Variants in CNBD1 observed in about 807,000 individuals in gnomAD.
CNBD1 encodes cyclic nucleotide-binding domain-containing protein 1.
Under a neutral mutation model 54.4 loss-of-function variants are expected in CNBD1, and 71 were observed. The observed-to-expected ratio is 1.30, with a 90% CI of 1.08 to 1.59. The LOEUF (loss-of-function observed/expected upper bound fraction) is 1.59, where lower values mean the gene tolerates loss of function less well. Among genes scored for constraint, CNBD1 ranks in the 40% most tolerant of loss-of-function variants. The pLI, the probability that CNBD1 is intolerant of heterozygous loss-of-function variation, is 0.00. For missense variants in CNBD1, 659 were observed against 518.0 expected, an observed-to-expected ratio of 1.27 and a Z score of -2.64; for synonymous variants, 182 against 170.7, an observed-to-expected ratio of 1.07 and a Z score of -0.51.
At chr8:86,921,587 G>C (rs1809276305) in intron 3 of CNBD1, among the ~76,000 whole-genome samples, 1 of 152,118 alleles carries the variant, frequency 6.6e-6, no homozygotes, top group Non-Finnish European at 1.5e-5. Context: ...ATCTTACATT[G>C]TGGGAGGCAA....
At chr8:87,332,443 A>G (rs1809855796) in intron 8 of CNBD1, among the ~76,000 whole-genome samples, 1 of 152,044 alleles carries the variant, frequency 6.6e-6, no homozygotes, top group Non-Finnish European at 1.5e-5. Flanking sequence ...TTTCATAATA[A>G]AAGATTTACC....
At chr8:86,979,139 T>C (rs1808409903) in intron 4 of CNBD1, among the ~76,000 whole-genome samples, 1 of 151,786 alleles carries the variant, frequency 6.6e-6, no homozygotes, top group Non-Finnish European at 1.5e-5. Flanking sequence ...TTTCAAAAAG[T>C]TTATATTTTC....
intron 4 of CNBD1, among the ~76,000 whole-genome samples, chr8:87,205,470 C>G (rs948675205): frequency 2.6e-5 from 4 of 152,004 alleles, no homozygotes; most frequent in African/African-American, 9.6e-5. Flanking sequence ...TAATAAATAC[C>G]ATGTATTATA....
At chr8:87,418,200 C>A (rs1386621016) in intron 2 of CNBD1, among the ~76,000 whole-genome samples, 1 of 151,808 alleles carries the variant, frequency 6.6e-6, no homozygotes, top group Non-Finnish European at 1.5e-5. Flanking sequence ...GACATATGGG[C>A]TAATAGAATA....
chr8:87,409,115 A>C lies in CNBD1; in HGVS notation c.214-19431A>C, dbSNP rs183337989. 5.1e-3 allele frequency among the ~76,000 whole-genome samples: 779 copies of C among 152,324 alleles called. 2 individuals are homozygous for C. The highest frequency in any genetic ancestry group is 7.7e-3 in the Non-Finnish European group (522 of 68,024). On this transcript the variant is annotated intron_variant, in intron 2 of 7. Transcript: ENST00000521593. ...GAGGAAGGCATGTCGAAAGCTGAGA[A>C]AGGCTGAAAGCTTTTAGCTAAATAG...
At chr8:86,912,294 A>G (rs13262224) in intron 3 of CNBD1, among the ~76,000 whole-genome samples, 143,978 of 152,264 alleles carry the variant, frequency 0.95, 68,172 homozygotes, top group East Asian at 1. Flanking sequence ...CATTTTTCTA[A>G]AGGGTGCAGA....
At chr8:87,041,444 GA>G (rs1309983315) in intron 4 of CNBD1, among the ~76,000 whole-genome samples, 1 of 152,014 alleles carries the variant, frequency 6.6e-6, no homozygotes, top group Non-Finnish European at 1.5e-5. Context: ...TGAGGGAGGA[GA>G]AAAATGTTCT....
Position 87,134,594 on chromosome 8 carries a change from C to CTTTTT in CNBD1, c.432-71377_432-71373dup, listed in dbSNP as rs1167232265. Reference sequence around the variant, plus strand: ...GATTCACCTTTGTTAATTAGATTACCTTTTTTTTTTTTTTTTTTTTTTTTT... The same window carrying CTTTTT: ...GATTCACCTTTGTTAATTAGATTACCTTTTTTTTTTTTTTTTTTTTTTTTTTTTTT... On this transcript the variant is annotated intron_variant, in intron 4 of 10. Coordinates refer to ENST00000518476, the MANE Select transcript of CNBD1 (RefSeq NM_173538.3). Among the ~76,000 whole-genome samples the CTTTTT allele has an allele frequency of 1.1e-4, 10 of 86,964 alleles. 1 individual carries two copies. Among genetic ancestry groups the CTTTTT allele is most frequent in the Non-Finnish European group, 1.9e-4 (8 of 41,336 alleles). 57.1% of individuals were successfully genotyped at this position (86,964 alleles called of 152,430 possible). A position where few individuals can be genotyped will look rare whatever the true frequency, so the allele number is the denominator to read the frequency against.
chr8:87,284,954 T>G, intron 7 of CNBD1, 139 bp downstream of exon 7: 1 of 623,332 alleles, frequency 1.6e-6, no homozygotes, highest in Non-Finnish European at 2.5e-6. Flanking sequence ...AAATGTTATT[T>G]GACAAAAATC....
intron 1 of CNBD1, among the ~76,000 whole-genome samples, chr8:86,879,482 A>G (rs114999413): frequency 0.013 from 2,005 of 152,340 alleles, 35 homozygotes; most frequent in Middle Eastern, 0.041. Flanking sequence ...AAAAGTATGG[A>G]TGAGTTTTTT....
At chr8:87,406,133 G>T (rs915912159) in intron 2 of CNBD1, among the ~76,000 whole-genome samples, 38 of 151,966 alleles carry the variant, frequency 2.5e-4, no homozygotes, top group African/African-American at 8.7e-4. Context: ...ATACAAACAA[G>T]AAGGAATTTA....
chr8:87,091,364 T>C (rs1055979691), intron 4 of CNBD1, among the ~76,000 whole-genome samples: 1 of 152,174 alleles, frequency 6.6e-6, no homozygotes, highest in Admixed American at 6.6e-5. Context: ...TAAGATGACA[T>C]AACTGCACAC....
At chr8:87,009,590 C>T (rs1027672824) in intron 4 of CNBD1, among the ~76,000 whole-genome samples, 1 of 152,186 alleles carries the variant, frequency 6.6e-6, no homozygotes, top group Non-Finnish European at 1.5e-5. Context: ...GCATGAGCCA[C>T]CACACCTGGC....
intron 8 of CNBD1, among the ~76,000 whole-genome samples, chr8:87,301,972 G>T (rs1161093537): frequency 1.3e-5 from 2 of 152,028 alleles, no homozygotes; most frequent in African/African-American, 4.8e-5. Context: ...CCAATAACAG[G>T]CTCTGAAATT....
chr8:87,033,968 T>G (rs1809852731), intron 4 of CNBD1, among the ~76,000 whole-genome samples: 1 of 152,214 alleles, frequency 6.6e-6, no homozygotes, highest in Non-Finnish European at 1.5e-5. Flanking sequence ...ATAGGTATGC[T>G]TTTCTTATGG....
intron 3 of CNBD1, among the ~76,000 whole-genome samples, chr8:86,916,538 A>G: frequency 7.5e-6 from 1 of 134,122 alleles, no homozygotes. Context: ...CTAGAAAGTC[A>G]TATACCTGTT....
At chr8:87,135,172 T>C (rs1650283574) in intron 4 of CNBD1, among the ~76,000 whole-genome samples, 1 of 152,078 alleles carries the variant, frequency 6.6e-6, no homozygotes, top group African/African-American at 2.4e-5. Flanking sequence ...TGAATGGAAG[T>C]TACAGTAAAA....
At chr8:87,125,087 C>T (rs1237178350) in intron 4 of CNBD1, among the ~76,000 whole-genome samples, 2 of 151,470 alleles carry the variant, frequency 1.3e-5, no homozygotes, top group African/African-American at 2.4e-5. Context: ...CTAAATTCAG[C>T]AAAGGAAGTA....
At chr8:87,207,196 A>G (rs956866896) in intron 5 of CNBD1, among the ~76,000 whole-genome samples, 1 of 152,146 alleles carries the variant, frequency 6.6e-6, no homozygotes, top group Admixed American at 6.6e-5. Context: ...TGAGGATAGT[A>G]ATTAAAACTT....
Sources: allele counts gnomAD v4.1 joint callset (sites outside exome capture counted in the v4.1 genomes callset), GRCh38; gene constraint gnomAD v4.1.1; transcripts MANE v1.5; gene names NCBI Gene and HGNC (gene_info 2026-07-23, HGNC 2026-07-21).